The following FOXP1 variants were observed in gnomAD, a reference collection of about 807,000 sequenced individuals.
FOXP1 encodes the protein forkhead box protein P1.
Under a neutral mutation model 98.2 loss-of-function variants are expected in FOXP1, and 15 were observed. The ratio of observed to expected loss-of-function variants is 0.15; its 90% CI spans 0.10 to 0.24. The LOEUF is 0.24. Ranked by LOEUF, FOXP1 falls within the 10% of genes least tolerant of loss-of-function variation. FOXP1 has a pLI of 1.00. For synonymous variants in FOXP1, 371 were observed against 314.5 expected (o/e 1.18, Z -1.90); for missense variants, 633 against 848.5 (o/e 0.75, Z 3.15).
At position 71,527,639 on chromosome 3, in the gene FOXP1, T is replaced by C. The variant is rs145695800; in HGVS notation, c.-297-34084A>G. On this transcript the variant is annotated intron_variant, in intron 2 of 20. Transcript: ENST00000649528. The stretch of plus-strand genomic sequence containing the variant: ...AGAGGTGCAGAGTGTAACCAGCATC[T>C]GGTCACCTGCTCCTTACAGTGTAAT... 3.7e-3 allele frequency among the ~76,000 whole-genome samples: 565 copies of C among 152,354 alleles called. 1 individual carries two copies. The highest frequency in any genetic ancestry group is 0.02 in the Middle Eastern group (6 of 294).
intron 3 of FOXP1, among the ~76,000 whole-genome samples, chr3:71,371,034 C>G (rs1672836716): frequency 6.6e-6 from 1 of 152,110 alleles, no homozygotes; most frequent in Non-Finnish European, 1.5e-5. Context: ...ACTTCAGCCT[C>G]CCTGTAATCC....
rs1162612526 is a variant in FOXP1 at position 70,981,743 on chromosome 3, A to G, written c.1147-3714T>C. On this transcript the variant is annotated intron_variant, in intron 14 of 20. Transcript: ENST00000649528. ...AATAGAGGAGCTGCAGTCAAGTGGA[A>G]AATTTCTGCCTGACCTCTGCCCTTG... Among the ~76,000 whole-genome samples, 2 of 152,254 alleles carry G rather than the reference A, an allele frequency of 1.3e-5. 1 individual carries two copies. Among genetic ancestry groups the G allele is most frequent in the African/African-American group, 4.8e-5 (2 of 41,474 alleles).
chr3:71,033,246 T>C (rs2047108809), intron 11 of FOXP1, among the ~76,000 whole-genome samples: 2 of 152,134 alleles, frequency 1.3e-5, no homozygotes, highest in Non-Finnish European at 2.9e-5. Flanking sequence ...CAAAAAAGAA[T>C]GTCTACCTTA....
intron 5 of FOXP1, among the ~76,000 whole-genome samples, chr3:71,284,606 C>T (rs1024260277): frequency 6.6e-6 from 1 of 152,024 alleles, no homozygotes; most frequent in African/African-American, 2.4e-5. Flanking sequence ...CCAACTGCAA[C>T]GTTATTACAG....
At chr3:71,425,338 C>T (rs2084055571) in intron 3 of FOXP1, among the ~76,000 whole-genome samples, 1 of 152,178 alleles carries the variant, frequency 6.6e-6, no homozygotes, top group African/African-American at 2.4e-5. Context: ...GTTGGCCCAG[C>T]TGGTCTCGAA....
intron 3 of FOXP1, among the ~76,000 whole-genome samples, chr3:71,470,381 T>C (rs1016583155): frequency 1.3e-5 from 2 of 152,354 alleles, no homozygotes; most frequent in Admixed American, 1.3e-4. Flanking sequence ...ACTATTATTG[T>C]TGTTATTCAT....
chr3:71,236,568 A>G (rs1399893333), intron 5 of FOXP1, among the ~76,000 whole-genome samples: 4 of 152,198 alleles, frequency 2.6e-5, no homozygotes, highest in Non-Finnish European at 5.9e-5. Context: ...TCTAGCAGCC[A>G]CGTATAAACA....
rs373753696 is a variant in FOXP1 at position 71,182,494 on chromosome 3, CTATA to C, written c.180+15704_180+15707del. On this transcript the variant is annotated intron_variant, in intron 6 of 20. Transcript: ENST00000649528. ...TTGGGGATATACAGAAAAGTGTAAA[CTATA>C]TATATGTGTGTGTGTGTGTGTGTGT... is the stretch of plus-strand genomic sequence containing the variant. 1.6e-3 allele frequency among the ~76,000 whole-genome samples: 223 copies of C among 143,046 alleles called. 3 individuals are homozygous for C. Among genetic ancestry groups the C allele is most frequent in the East Asian group, 4.0e-3 (20 of 4,966 alleles). 93.8% of individuals were successfully genotyped at this position (143,046 alleles called of 152,430 possible).
intron 11 of FOXP1, among the ~76,000 whole-genome samples, chr3:71,016,691 A>ACACACAC (rs199875111): frequency 1.9e-4 from 28 of 149,836 alleles, no homozygotes; most frequent in Non-Finnish European, 3.4e-4. Context: ...ACACACACAC[A>ACACACAC]TGCATACACA....
At chr3:71,491,265 C>T (rs1457782515) in intron 3 of FOXP1, among the ~76,000 whole-genome samples, 1 of 152,194 alleles carries the variant, frequency 6.6e-6, no homozygotes, top group African/African-American at 2.4e-5. Context: ...ACCTACCCAC[C>T]TCGGCCTCCC....
chr3:71,267,408 T>C (rs544046395), intron 5 of FOXP1, among the ~76,000 whole-genome samples: 37 of 152,106 alleles, frequency 2.4e-4, no homozygotes, highest in Non-Finnish European at 5.1e-4. Context: ...TCTTGAAGCA[T>C]CCAAGAGAGG....
intron 20 of FOXP1, among the ~76,000 whole-genome samples, chr3:70,965,522 C>A (rs767701201): frequency 6.6e-6 from 1 of 152,126 alleles, no homozygotes; most frequent in Admixed American, 6.5e-5. Context: ...CTTTTTCTCT[C>A]GGCTAGGTTC....
In FOXP1 at chr3:71,135,250, C is replaced by T. The variant is rs1355481034; in HGVS notation, c.181-22613G>A. On this transcript the variant is annotated intron_variant, in intron 6 of 20. Coordinates refer to ENST00000649528, the MANE Select transcript of FOXP1 (RefSeq NM_001349338.3). The stretch of plus-strand genomic sequence containing the variant: ...CTTCAGCCCGGCAACAGTGAGCCTC[C>T]GTCTCAAAAAAAAAAAAAAAAAAAA... Among the ~76,000 whole-genome samples the T allele has an allele frequency of 3.5e-4, 40 of 113,154 alleles. 1 individual carries two copies. The highest frequency in any genetic ancestry group is 1.1e-3 in the South Asian group (3 of 2,740). 74.2% of individuals were successfully genotyped at this position (113,154 alleles called of 152,430 possible).
intron 11 of FOXP1, among the ~76,000 whole-genome samples, chr3:71,021,397 A>AT (rs2045412400): frequency 6.6e-6 from 1 of 152,198 alleles, no homozygotes; most frequent in Non-Finnish European, 1.5e-5. Flanking sequence ...TTGTAGCTGA[A>AT]TAGTATTCCA....
intron 2 of FOXP1, among the ~76,000 whole-genome samples, chr3:71,579,045 A>G (rs2047942396): frequency 6.6e-6 from 1 of 152,230 alleles, no homozygotes; most frequent in African/African-American, 2.4e-5. Flanking sequence ...GTTGTGCACC[A>G]TGGTTATGAA....
At chr3:71,519,146 C>T (rs978590794) in intron 2 of FOXP1, among the ~76,000 whole-genome samples, 48 of 152,178 alleles carry the variant, frequency 3.2e-4, no homozygotes, top group African/African-American at 9.6e-4. Context: ...CTCAGAAGGC[C>T]GAGGCAGGAG....
At position 70,968,364 on chromosome 3, in the gene FOXP1, T is replaced by G. The variant is rs1040950262; in HGVS notation, c.1723-2308A>C. 14 of 55,396 alleles carry G rather than the reference T, an allele frequency of 2.5e-4. No individual in the cohort carries two copies. In the East Asian group the frequency reaches 4.4e-3, roughly 17 times the overall value. 3.4% of individuals were successfully genotyped at this position (55,396 alleles called of 1,614,324 possible). A position where few individuals can be genotyped will look rare whatever the true frequency, so the allele number is the denominator to read the frequency against. ...CTAACTGCTTCTGCCTAACAAAGTG[T>G]TTTTTTTTTTTTTTTTTTGGTAGTT... is the stretch of plus-strand genomic sequence containing the variant. On this transcript the variant is annotated intron_variant, in intron 19 of 20. Coordinates refer to ENST00000649528, the MANE Select transcript of FOXP1 (RefSeq NM_001349338.3).
At chr3:71,152,192 A>G (rs1485480539) in intron 6 of FOXP1, among the ~76,000 whole-genome samples, 1 of 152,126 alleles carries the variant, frequency 6.6e-6, no homozygotes, top group Non-Finnish European at 1.5e-5. Context: ...AGGGCCACAC[A>G]TAGGAAACAG....
At chr3:71,083,868 T>C (rs1300349618) in intron 7 of FOXP1, among the ~76,000 whole-genome samples, 2 of 152,112 alleles carry the variant, frequency 1.3e-5, no homozygotes, top group Admixed American at 6.5e-5. Flanking sequence ...GTTTTGACAT[T>C]TGCATGGGAA....
Sources: allele counts gnomAD v4.1 joint callset (sites outside exome capture counted in the v4.1 genomes callset), GRCh38; gene constraint gnomAD v4.1.1; transcripts MANE v1.5; gene names NCBI Gene and HGNC (gene_info 2026-07-23, HGNC 2026-07-21).